Variants in SPOCK3 observed in about 807,000 individuals in gnomAD.
SPOCK3 encodes SPARC (osteonectin), cwcv and kazal like domains proteoglycan 3.
Under a neutral mutation model 56.6 loss-of-function variants are expected in SPOCK3, and 30 were observed. That is an observed-to-expected ratio of 0.53 (90% CI 0.40 to 0.72). The LOEUF (loss-of-function observed/expected upper bound fraction) is 0.72. Ranked by LOEUF, SPOCK3 falls within the 30% of genes least tolerant of loss-of-function variation. The probability of loss-of-function intolerance (pLI) is 0.00; values close to 1 mark genes in which losing one functional copy is unlikely to be tolerated. For missense variants in SPOCK3, 527 were observed against 530.0 expected (o/e 0.99, Z 0.06); for synonymous variants, 196 against 183.3 (o/e 1.07, Z -0.56).
At chr4:166,797,533 T>A (rs1742091002) in intron 6 of SPOCK3, among the ~76,000 whole-genome samples, 1 of 152,064 alleles carries the variant, frequency 6.6e-6, no homozygotes, top group Admixed American at 6.5e-5. Context: ...TCCATAATGA[T>A]GGTTTCCTTC....
At chr4:167,138,927 A>G (rs1763320785) in intron 2 of SPOCK3, among the ~76,000 whole-genome samples, 1 of 152,040 alleles carries the variant, frequency 6.6e-6, no homozygotes, top group South Asian at 2.1e-4. Context: ...ATCATCTTCA[A>G]TTAATATGAT....
At chr4:166,828,225 G>T (rs1745681448) in intron 6 of SPOCK3, among the ~76,000 whole-genome samples, 1 of 151,610 alleles carries the variant, frequency 6.6e-6, no homozygotes, top group African/African-American at 2.4e-5. Context: ...CCTTATAAAT[G>T]GAAAAATATA....
At chr4:166,766,410 T>A (rs1738061181) in intron 7 of SPOCK3, among the ~76,000 whole-genome samples, 2 of 152,166 alleles carry the variant, frequency 1.3e-5, no homozygotes, top group Admixed American at 1.3e-4. Flanking sequence ...GCTGTCGAAT[T>A]TTGTCAAAGG....
chr4:167,002,766 A>G (rs1749072156), intron 3 of SPOCK3, among the ~76,000 whole-genome samples: 1 of 152,184 alleles, frequency 6.6e-6, no homozygotes, highest in Non-Finnish European at 1.5e-5. Flanking sequence ...CTTGTTGGAC[A>G]ACATAAAAGA....
chr4:166,776,523 T>C (rs1739568990), intron 7 of SPOCK3, among the ~76,000 whole-genome samples: 1 of 152,144 alleles, frequency 6.6e-6, no homozygotes, highest in Non-Finnish European at 1.5e-5. Context: ...AAATATTCAA[T>C]TAACTCCTCA....
At chr4:166,798,940 A>G (rs949850846) in intron 6 of SPOCK3, among the ~76,000 whole-genome samples, 2 of 152,172 alleles carry the variant, frequency 1.3e-5, no homozygotes, top group African/African-American at 4.8e-5. Context: ...GCAAATCTTC[A>G]ATATGGATGA....
intron 4 of SPOCK3, among the ~76,000 whole-genome samples, chr4:166,960,598 G>T (rs1579811043): frequency 6.6e-6 from 1 of 152,188 alleles, no homozygotes; most frequent in Non-Finnish European, 1.5e-5. Context: ...TCTTCCCTGA[G>T]TGTGACAATT....
At chr4:167,206,023 A>G (rs1734293864) in intron 2 of SPOCK3, among the ~76,000 whole-genome samples, 1 of 150,866 alleles carries the variant, frequency 6.6e-6, no homozygotes, top group African/African-American at 2.5e-5. Context: ...AACTACCTGT[A>G]CATTCCTATT....
intron 2 of SPOCK3, among the ~76,000 whole-genome samples, chr4:167,159,605 C>T (rs950604100): frequency 1.3e-5 from 2 of 152,074 alleles, no homozygotes; most frequent in African/African-American, 4.8e-5. Flanking sequence ...AATTTTAGAC[C>T]AATATCCCTG....
intron 3 of SPOCK3, among the ~76,000 whole-genome samples, chr4:167,014,632 G>A (rs1021583838): frequency 6.6e-6 from 1 of 152,080 alleles, no homozygotes; most frequent in Non-Finnish European, 1.5e-5. Context: ...TCCAGCTTGG[G>A]TGACAGAGAG....
At chr4:166,768,457 G>C (rs567310470) in intron 7 of SPOCK3, among the ~76,000 whole-genome samples, 7 of 152,114 alleles carry the variant, frequency 4.6e-5, no homozygotes, top group African/African-American at 7.2e-5. Context: ...AGCTAGTTTG[G>C]CTGGATATGA....
At chr4:167,233,304 CT>C (rs762611013) in intron 2 of SPOCK3, among the ~76,000 whole-genome samples, 29 of 152,302 alleles carry the variant, frequency 1.9e-4, no homozygotes, top group Admixed American at 3.9e-4. Context: ...TGGTTTAACT[CT>C]TTTATCGCTG....
intron 8 of SPOCK3, among the ~76,000 whole-genome samples, chr4:166,743,894 C>T (rs1036361849): frequency 6.6e-6 from 1 of 152,144 alleles, no homozygotes; most frequent in Admixed American, 6.5e-5. Context: ...GAGGCATCAG[C>T]GAGACTGGGG....
rs538774096 is a variant in SPOCK3 at position 166,978,630 on chromosome 4, G to A, written c.350+21719C>T. On this transcript the variant is annotated intron_variant, in intron 4 of 10. Coordinates refer to ENST00000357545, the MANE Select transcript of SPOCK3 (RefSeq NM_001040159.2). ...ATATAAATTGCCACTTGCATTAACA[G>A]TTTAAAAACAGTAATAAGGCATGCA... Among the ~76,000 whole-genome samples, 5 of 152,190 alleles carry A rather than the reference G, an allele frequency of 3.3e-5. No homozygotes were observed. In the East Asian group the frequency reaches 5.8e-4, roughly 18 times the overall value.
intron 6 of SPOCK3, among the ~76,000 whole-genome samples, chr4:166,842,646 C>T (rs528192703): frequency 2.9e-4 from 44 of 152,280 alleles, no homozygotes; most frequent in African/African-American, 9.4e-4. Flanking sequence ...TAGCTAGTTA[C>T]AGAGTGCTGA....
At position 166,836,363 on chromosome 4, in the gene SPOCK3, T is replaced by C. The variant is rs570335797; in HGVS notation, c.590-44074A>G. Among the ~76,000 whole-genome samples the C allele has an allele frequency of 7.2e-5, 11 of 152,342 alleles. No homozygotes were observed. The South Asian group carries it at 1.9e-3, about 26-fold the overall frequency. On this transcript the variant is annotated intron_variant, in intron 6 of 10. Coordinates refer to ENST00000357545, the MANE Select transcript of SPOCK3 (RefSeq NM_001040159.2). Reference sequence around the variant, plus strand: ...TCTAAGAATTATTTTTAAAATAGCATATTACTAATATTTTGGTTGCCCATT... The same window carrying C: ...TCTAAGAATTATTTTTAAAATAGCACATTACTAATATTTTGGTTGCCCATT...
At chr4:167,179,580 G>T (rs1001788296) in intron 2 of SPOCK3, among the ~76,000 whole-genome samples, 3 of 151,740 alleles carry the variant, frequency 2.0e-5, no homozygotes, top group African/African-American at 4.8e-5. Context: ...ATTATGTATG[G>T]GTTTCTTACA....
chr4:167,094,563 C>G (rs550795807), intron 2 of SPOCK3, among the ~76,000 whole-genome samples: 39 of 152,016 alleles, frequency 2.6e-4, no homozygotes, highest in Admixed American at 7.2e-4. Flanking sequence ...TTGACAAAGC[C>G]AGCCATTATA....
chr4:166,979,503 A>G (rs1026609627), intron 4 of SPOCK3, among the ~76,000 whole-genome samples: 1 of 152,132 alleles, frequency 6.6e-6, no homozygotes, highest in Admixed American at 6.6e-5. Flanking sequence ...CTGAATACCA[A>G]TTCAGATTGC....
Sources: gnomAD v4.1 joint callset for allele counts (sites outside exome capture counted in the v4.1 genomes callset) on GRCh38, gnomAD v4.1.1 for gene constraint, MANE v1.5 for transcripts, NCBI Gene and HGNC (gene_info 2026-07-23, HGNC 2026-07-21) for gene names.